SLC13A5: variants seen among roughly 807,000 people sequenced by gnomAD.
SLC13A5 encodes solute carrier family 13 member 5.
A neutral mutation model predicts 56.5 loss-of-function variants in SLC13A5; 25 were observed. The ratio of observed to expected loss-of-function variants is 0.44; its 90% CI spans 0.32 to 0.62. The LOEUF (loss-of-function observed/expected upper bound fraction) is 0.62, where lower values mean the gene tolerates loss of function less well. SLC13A5 is among the 20% of genes least tolerant of loss of function. SLC13A5 has a pLI of 0.04. For missense variants in SLC13A5, 649 were observed against 737.8 expected, an observed-to-expected ratio of 0.88 and a Z score of 1.39; for synonymous variants, 307 against 301.5, an observed-to-expected ratio of 1.02 and a Z score of -0.19.
intron 1 of SLC13A5, 96 bp from the exon 2 acceptor site, chr17:6,707,252 C>T: frequency 2.7e-6 from 4 of 1,467,880 alleles, no homozygotes; most frequent in Middle Eastern, 2.1e-4. Flanking sequence ...TGTCAAGACA[C>T]AGTGCTGATC....
At chr17:6,696,001 G>A (rs960033148) in intron 6 of SLC13A5, 60 bp from the exon 7 acceptor site, 54 of 1,482,022 alleles carry the variant, frequency 3.6e-5, no homozygotes, top group Middle Eastern at 1.8e-4. Context: ...GTGCTGGTCA[G>A]ATGGAGCCTA....
At position 6,687,601 on chromosome 17, in the gene SLC13A5, GGCAAAGGAGGCACTCA is replaced by G; in HGVS notation, c.1487_1502del (p.Leu496ProfsTer26). On this transcript the variant is annotated frameshift_variant, in exon 11 of 12. Transcript: ENST00000433363. LOFTEE classifies it high-confidence loss of function. The surrounding 1 kb of genome is among the most constrained non-coding windows in gnomAD (Gnocchi z 5.0). ...GAGGGGTGGCCACAGGCAACATGAA[GGCAAAGGAGGCACTCA>G]GGGTACAGGGCAGCATGATGTACAG... 6.2e-7 allele frequency: 1 copy of G among 1,613,920 alleles called. No individual in the cohort carries two copies. The highest frequency in any genetic ancestry group is 1.3e-5 in the African/African-American group (1 of 75,044).
At position 6,701,517 on chromosome 17, in the gene SLC13A5, C is replaced by T. The variant is rs1206042625; in HGVS notation, c.717-391G>A. On this transcript the variant is annotated intron_variant, in intron 5 of 11. Coordinates refer to ENST00000433363, the MANE Select transcript of SLC13A5 (RefSeq NM_177550.5). This position sits in a 1 kb window ranked among gnomAD's most constrained non-coding sequence, Gnocchi z 4.1. Reference sequence around the variant, plus strand: ...ACAAGGTCAGGAGCTTAAGACTGGCCTGGCCAACATGGTGAAACCCCGTCT... The same window carrying T: ...ACAAGGTCAGGAGCTTAAGACTGGCTTGGCCAACATGGTGAAACCCCGTCT... Among the ~76,000 whole-genome samples the T allele has an allele frequency of 2.6e-5, 4 of 152,144 alleles. No individual in the cohort carries two copies. Among genetic ancestry groups the T allele is most frequent in the Non-Finnish European group, 4.4e-5 (3 of 68,030 alleles).
Position 6,692,996 on chromosome 17 carries a change from T to G in SLC13A5, c.1275+48A>C, listed in dbSNP as rs1257817792. 1 of 1,460,094 alleles carries G rather than the reference T, an allele frequency of 6.8e-7. No homozygotes were observed. The highest frequency in any genetic ancestry group is 1.7e-5 in the Admixed American group (1 of 59,808). 90.4% of individuals were successfully genotyped at this position (1,460,094 alleles called of 1,614,324 possible). A position where few individuals can be genotyped will look rare whatever the true frequency, so the allele number is the denominator to read the frequency against. ...ATGGAAGGGTGGAGAAACGCCACCC[T>G]CTTGACGAAGAAGAGGGCTCTGGGC... On this transcript the variant is annotated intron_variant, in intron 9 of 11. Transcript: ENST00000433363. This position sits in a 1 kb window ranked among gnomAD's most constrained non-coding sequence, Gnocchi z 5.5.
chr17:6,700,406 G>A (rs182863625), intron 6 of SLC13A5, among the ~76,000 whole-genome samples: 47 of 152,270 alleles, frequency 3.1e-4, no homozygotes, highest in Non-Finnish European at 3.8e-4. Flanking sequence ...GGTTTTACTC[G>A]ACTTAAACTC....
chr17:6,701,901 C>G lies in SLC13A5; in HGVS notation c.717-775G>C, dbSNP rs1318071029. ...AGGAGGGTCACTTCCACCACAGGCC[C>G]CGCCTCCCATCCCCGGGGCTCTGCT... On this transcript the variant is annotated intron_variant, in intron 5 of 11. Transcript: ENST00000433363. This position sits in a 1 kb window ranked among gnomAD's most constrained non-coding sequence, Gnocchi z 4.1. 3.9e-5 allele frequency among the ~76,000 whole-genome samples: 6 copies of G among 152,144 alleles called. No homozygotes were observed. In the South Asian group the frequency reaches 1.2e-3, roughly 31 times the overall value.
At chr17:6,700,908 G>A (rs528297090) in intron 6 of SLC13A5, 96 bp downstream of exon 6, 21 of 1,555,900 alleles carry the variant, frequency 1.3e-5, no homozygotes, top group South Asian at 1.0e-4. Context: ...GGCCAGACAC[G>A]AAGGACTTTG....
At chr17:6,697,295 C>G (rs1973587333) in intron 6 of SLC13A5, among the ~76,000 whole-genome samples, 1 of 152,190 alleles carries the variant, frequency 6.6e-6, no homozygotes, top group South Asian at 2.1e-4. Flanking sequence ...CTTGGTATTA[C>G]TAGTGGCCCA....
rs544985170 is a variant in SLC13A5 at position 6,695,703 on chromosome 17, T to C, written c.1055+23A>G. Reference sequence around the variant, plus strand: ...AACGCGCCTGGCCCTAAGCCAGCGATTTCTATTGAATCCAAGACTTACTTT... The same window carrying C: ...AACGCGCCTGGCCCTAAGCCAGCGACTTCTATTGAATCCAAGACTTACTTT... On this transcript the variant is annotated intron_variant, in intron 7 of 11. Transcript: ENST00000433363. 1.9e-5 allele frequency: 30 copies of C among 1,613,164 alleles called. 1 individual carries two copies. In the South Asian group the frequency reaches 3.0e-4, roughly 16 times the overall value.
chr17:6,690,860 C>G lies in SLC13A5; in HGVS notation c.1356G>C (p.Leu452Phe). The stretch of plus-strand genomic sequence containing the variant: ...CAGTGAACACGGCAACGAGCAAGGA[C>G]AAGATCAAGGTGATGGCTGCCGGGG... ...AVPPAAITLI[L>F]SLLVAVFTEC... The change falls in exon 10 of 12, where the codon TTG (leucine) becomes TTC (phenylalanine). Residue 452 changes from leucine (L) to phenylalanine (F), a missense_variant. By Grantham distance (22) the Leu-to-Phe change is conservative. Coordinates refer to ENST00000433363, the MANE Select transcript of SLC13A5 (RefSeq NM_177550.5). 1 of 1,614,248 alleles carries G rather than the reference C, an allele frequency of 6.2e-7. No homozygotes were observed.
intron 1 of SLC13A5, among the ~76,000 whole-genome samples, chr17:6,708,989 A>ATTTTTTTT (rs1973944944): frequency 1.9e-5 from 2 of 106,160 alleles, no homozygotes; most frequent in African/African-American, 3.2e-5. Flanking sequence ...TCGCTCTTTT[A>ATTTTTTTT]TTTCTTTTTT....
chr17:6,711,412 C>A lies in SLC13A5; in HGVS notation c.102+1820G>T, dbSNP rs550427245. ...CCTCACTCAAAGGACAGCTTAATCTCTCTCTCTCTCTCTCTTACACACACA... is the reference window on the plus strand; with the variant it reads ...CCTCACTCAAAGGACAGCTTAATCTATCTCTCTCTCTCTCTTACACACACA... On this transcript the variant is annotated intron_variant, in intron 1 of 11. Coordinates refer to ENST00000433363, the MANE Select transcript of SLC13A5 (RefSeq NM_177550.5). The surrounding 1 kb of genome is among the most constrained non-coding windows in gnomAD (Gnocchi z 4.0). Among the ~76,000 whole-genome samples the A allele has an allele frequency of 1.0e-5, 1 of 99,952 alleles. No individual in the cohort carries two copies. The highest frequency in any genetic ancestry group is 2.8e-4 in the East Asian group (1 of 3,594). 65.6% of individuals were successfully genotyped at this position (99,952 alleles called of 152,430 possible). A position where few individuals can be genotyped will look rare whatever the true frequency, so the allele number is the denominator to read the frequency against.
chr17:6,703,391 G>A (rs1597671990), intron 4 of SLC13A5, among the ~76,000 whole-genome samples: 1 of 152,240 alleles, frequency 6.6e-6, no homozygotes, highest in East Asian at 1.9e-4. Context: ...GCTGGGGATG[G>A]TAAGGGAACA....
intron 6 of SLC13A5, 122 bp downstream of exon 6, chr17:6,700,882 G>A: frequency 4.9e-6 from 7 of 1,415,498 alleles, no homozygotes; most frequent in Non-Finnish European, 6.7e-6. Flanking sequence ...AGGAGACAGG[G>A]CTGGAGAAAG....
At chr17:6,709,327 T>C (rs1973956649) in intron 1 of SLC13A5, among the ~76,000 whole-genome samples, 1 of 152,082 alleles carries the variant, frequency 6.6e-6, no homozygotes, top group Non-Finnish European at 1.5e-5. Flanking sequence ...TGGAGTGCAG[T>C]GGTGCAATCT....
In SLC13A5 at chr17:6,711,558, G is replaced by A. The variant is rs1012968560; in HGVS notation, c.102+1674C>T. Among the ~76,000 whole-genome samples the A allele has an allele frequency of 1.1e-4, 17 of 151,592 alleles. No individual in the cohort carries two copies. The highest frequency in any genetic ancestry group is 3.3e-4 in the Admixed American group (5 of 15,222). On this transcript the variant is annotated intron_variant, in intron 1 of 11. Coordinates refer to ENST00000433363, the MANE Select transcript of SLC13A5 (RefSeq NM_177550.5). This position sits in a 1 kb window ranked among gnomAD's most constrained non-coding sequence, Gnocchi z 4.0. ...TTGTGTGTTTTGTGTGTGTGTTTGT[G>A]TGTGTGTTTGTGTGTCTGTGTTTGT... is the stretch of plus-strand genomic sequence containing the variant.
At position 6,701,041 on chromosome 17, in the gene SLC13A5, C is replaced by A. The variant is rs777184227; in HGVS notation, c.802G>T (p.Ala268Ser). 1 of 1,614,186 alleles carries A rather than the reference C, an allele frequency of 6.2e-7. No homozygotes were observed. The highest frequency in any genetic ancestry group is 8.5e-7 in the Non-Finnish European group (1 of 1,180,032). ...TAAACAAACTGGAGCCACAGCCAGG[C>A]GAACAGCAGCATCACCAGCATGTTG... The part of the protein sequence containing the change: ...FPNMLVMLLF[A>S]WLWLQFVYMR... The change falls in exon 6 of 12, where the codon GCC (alanine) becomes TCC (serine). Residue 268 changes from alanine (A) to serine (S), a missense_variant. Ala to Ser is a moderately conservative substitution (Grantham distance 99). Transcript: ENST00000433363. The surrounding 1 kb of genome is among the most constrained non-coding windows in gnomAD (Gnocchi z 4.1).
intron 3 of SLC13A5, 122 bp from the exon 4 acceptor site, chr17:6,704,178 G>T: frequency 9.6e-7 from 1 of 1,044,972 alleles, no homozygotes; most frequent in Non-Finnish European, 1.4e-6. Flanking sequence ...GCCAATTCAA[G>T]ATCAGATATT....
chr17:6,694,686 C>T (rs971354568), intron 7 of SLC13A5, among the ~76,000 whole-genome samples: 1 of 152,166 alleles, frequency 6.6e-6, no homozygotes, highest in East Asian at 1.9e-4. Flanking sequence ...CTCTTGACCA[C>T]CAACTTTGGG....
Sources: allele counts gnomAD v4.1 joint callset (sites outside exome capture counted in the v4.1 genomes callset), GRCh38; gene constraint gnomAD v4.1.1; non-coding constraint Gnocchi (gnomAD v3.1); transcripts MANE v1.5; gene names NCBI Gene and HGNC (gene_info 2026-07-23, HGNC 2026-07-21).